The following OLFM2 variants were observed in gnomAD, a reference collection of about 807,000 sequenced individuals.
OLFM2 encodes noelin-2.
Under a neutral mutation model 43.9 loss-of-function variants are expected in OLFM2, and 20 were observed. The observed-to-expected ratio is 0.46, with a 90% CI of 0.32 to 0.66. The LOEUF (loss-of-function observed/expected upper bound fraction) is 0.66, where lower values mean the gene tolerates loss of function less well. Among genes scored for constraint, OLFM2 ranks in the 30% least tolerant of loss-of-function variants. The pLI is 0.04. For missense variants in OLFM2, 416 were observed against 643.6 expected, an observed-to-expected ratio of 0.65 and a Z score of 3.83; for synonymous variants, 268 against 278.6, an observed-to-expected ratio of 0.96 and a Z score of 0.38.
At chr19:9,904,152 T>TTGTTTGTG (rs1555727600) in intron 1 of OLFM2, among the ~76,000 whole-genome samples, 1 of 127,162 alleles carries the variant, frequency 7.9e-6, no homozygotes, top group Non-Finnish European at 1.6e-5. Context: ...TGAGTATTGT[T>TTGTTTGTG]TGTGTGTGTG....
chr19:9,932,840 T>A (rs937097738), intron 1 of OLFM2, among the ~76,000 whole-genome samples: 1 of 152,174 alleles, frequency 6.6e-6, no homozygotes, highest in African/African-American at 2.4e-5. Flanking sequence ...TCAAGCTCTC[T>A]GGTAGTCACT....
intron 1 of OLFM2, among the ~76,000 whole-genome samples, chr19:9,885,333 G>A (rs1207951950): frequency 6.6e-6 from 1 of 152,176 alleles, no homozygotes; most frequent in Non-Finnish European, 1.5e-5. Context: ...GTGCCAAGTT[G>A]GCCTGGTTTT....
At position 9,856,933 on chromosome 19, in the gene OLFM2, G is replaced by T. The variant is rs116666369; in HGVS notation, c.581-20C>A. On this transcript the variant is annotated intron_variant, in intron 4 of 5. Transcript: ENST00000264833. This position sits in a 1 kb window ranked among gnomAD's most constrained non-coding sequence, Gnocchi z 4.0. ...CACAGCCTGGGAGGCAGGAACAGGG[G>T]GAATGAGGATGGGGAAATGAACAGC... The T allele has an allele frequency of 1.6e-3, 2,467 of 1,573,076 alleles. 37 individuals carry two copies. The African/African-American group carries it at 0.029, about 18-fold the overall frequency.
chr19:9,912,074 C>T (rs538536740), intron 1 of OLFM2, among the ~76,000 whole-genome samples: 3 of 152,218 alleles, frequency 2.0e-5, no homozygotes, highest in East Asian at 1.9e-4. Context: ...GACCCCATGC[C>T]GGCAGTGCAC....
intron 2 of OLFM2, among the ~76,000 whole-genome samples, 181 bp downstream of exon 2, chr19:9,860,464 C>A (rs545731982): frequency 1.5e-5 from 2 of 135,852 alleles, no homozygotes; most frequent in Non-Finnish European, 3.2e-5. Flanking sequence ...AGAGTGAGAC[C>A]CTGTGTTAAA....
intron 1 of OLFM2, among the ~76,000 whole-genome samples, chr19:9,928,773 C>G (rs111372427): frequency 0.024 from 3,623 of 151,494 alleles, 110 homozygotes; most frequent in Middle Eastern, 0.082. Context: ...CCACTGCACT[C>G]CAGACTGGGC....
In OLFM2 at chr19:9,896,187, G is replaced by A. The variant is rs527244769; in HGVS notation, c.64-35393C>T. Among the ~76,000 whole-genome samples the A allele has an allele frequency of 4.4e-5, 6 of 135,076 alleles. No homozygotes were observed. In the East Asian group the frequency reaches 7.3e-4, roughly 16 times the overall value. The allele number at this position is 135,076 out of a possible 152,430, so 88.6% of individuals were successfully genotyped here. A position where few individuals can be genotyped will look rare whatever the true frequency, so the allele number is the denominator to read the frequency against. On this transcript the variant is annotated intron_variant, in intron 1 of 5. Coordinates refer to ENST00000264833, the MANE Select transcript of OLFM2 (RefSeq NM_058164.4). ...GCGATCTTGGCTCACTGCAAGCTCCGCGTCCCGGGTTCATGCCATTCTCCT... is the reference window on the plus strand; with the variant it reads ...GCGATCTTGGCTCACTGCAAGCTCCACGTCCCGGGTTCATGCCATTCTCCT...
rs1476546819 is a variant in OLFM2 at position 9,876,855 on chromosome 19, G to C, written c.64-16061C>G. 3.9e-5 allele frequency among the ~76,000 whole-genome samples: 6 copies of C among 152,164 alleles called. No individual in the cohort carries two copies. In the East Asian group the frequency reaches 1.2e-3, roughly 29 times the overall value. On this transcript the variant is annotated intron_variant, in intron 1 of 5. Coordinates refer to ENST00000264833, the MANE Select transcript of OLFM2 (RefSeq NM_058164.4). ...GAATGTGTCCCCGCAAAATTCATGTGTTGGAAACGTAATCCATTTTATTTA... is the reference window on the plus strand; with the variant it reads ...GAATGTGTCCCCGCAAAATTCATGTCTTGGAAACGTAATCCATTTTATTTA...
intron 1 of OLFM2, among the ~76,000 whole-genome samples, chr19:9,882,158 C>T (rs1045831859): frequency 6.7e-6 from 1 of 149,846 alleles, no homozygotes; most frequent in Non-Finnish European, 1.5e-5. Context: ...AGGATCACCT[C>T]AGCCCAGGGA....
intron 1 of OLFM2, among the ~76,000 whole-genome samples, chr19:9,881,736 G>T (rs1038474585): frequency 1.3e-5 from 2 of 151,588 alleles, no homozygotes; most frequent in African/African-American, 4.9e-5. Flanking sequence ...GCTGTCAAGT[G>T]ATCCTCCCAC....
At chr19:9,918,225 C>T (rs1206117918) in intron 1 of OLFM2, among the ~76,000 whole-genome samples, 2 of 151,748 alleles carry the variant, frequency 1.3e-5, no homozygotes, top group Admixed American at 6.6e-5. Context: ...GCTGGGCACT[C>T]TGTTGCCCAG....
At chr19:9,903,608 T>C (rs138051918) in intron 1 of OLFM2, among the ~76,000 whole-genome samples, 54 of 152,312 alleles carry the variant, frequency 3.5e-4, no homozygotes, top group African/African-American at 1.2e-3. Context: ...CGGTGAAACC[T>C]GAAATATTCC....
intron 1 of OLFM2, among the ~76,000 whole-genome samples, chr19:9,911,554 A>G (rs972754750): frequency 2.0e-5 from 3 of 152,128 alleles, no homozygotes; most frequent in African/African-American, 7.2e-5. Context: ...CAAGGCAGGC[A>G]CACACACACA....
In OLFM2 at chr19:9,936,408, G is replaced by C; in HGVS notation, c.-42C>G. The C allele has an allele frequency of 8.1e-7, 1 of 1,240,308 alleles. No homozygotes were observed. 76.8% of individuals were successfully genotyped at this position (1,240,308 alleles called of 1,614,324 possible). On this transcript the variant is annotated 5_prime_UTR_variant, in exon 1 of 6. Coordinates refer to ENST00000264833, the MANE Select transcript of OLFM2 (RefSeq NM_058164.4). The stretch of plus-strand genomic sequence containing the variant: ...GGCGTCCCGACCCCCGCCCGCCCTA[G>C]CGGCGCCTCGGCGCGGGGACCGCCA...
At chr19:9,926,341 G>A (rs1173433620) in intron 1 of OLFM2, among the ~76,000 whole-genome samples, 10 of 149,336 alleles carry the variant, frequency 6.7e-5, no homozygotes, top group East Asian at 2.1e-4. Flanking sequence ...TCACGAGGTC[G>A]GGAGATCGAG....
chr19:9,879,495 C>T (rs1042170771), intron 1 of OLFM2, among the ~76,000 whole-genome samples: 1 of 152,058 alleles, frequency 6.6e-6, no homozygotes, highest in Non-Finnish European at 1.5e-5. Context: ...CTGCTCTGGC[C>T]GTGTAAAACC....
intron 1 of OLFM2, among the ~76,000 whole-genome samples, chr19:9,916,291 A>G (rs961809781): frequency 1.3e-5 from 2 of 152,114 alleles, no homozygotes; most frequent in African/African-American, 4.8e-5. Flanking sequence ...CAGGAGGCAG[A>G]GGTTGCAGTG....
At chr19:9,924,657 T>C (rs534841135) in intron 1 of OLFM2, among the ~76,000 whole-genome samples, 47 of 152,088 alleles carry the variant, frequency 3.1e-4, no homozygotes, top group African/African-American at 1.1e-3. Context: ...GTCTTTTTTA[T>C]GGTCCATTTA....
chr19:9,885,628 G>A (rs143969168), intron 1 of OLFM2, among the ~76,000 whole-genome samples: 1 of 152,302 alleles, frequency 6.6e-6, no homozygotes, highest in African/African-American at 2.4e-5. Context: ...CCCAGGGGCA[G>A]CTAATGACTG....
Sources: gnomAD v4.1 joint callset for allele counts (sites outside exome capture counted in the v4.1 genomes callset) on GRCh38, gnomAD v4.1.1 for gene constraint, Gnocchi (gnomAD v3.1) non-coding constraint, MANE v1.5 for transcripts, NCBI Gene and HGNC (gene_info 2026-07-23, HGNC 2026-07-21) for gene names.